FBXL13: variants seen among roughly 807,000 people sequenced by gnomAD.
FBXL13 encodes F-box and leucine-rich repeat protein 13.
FBXL13 carries 67 observed loss-of-function variants against 83.6 expected under a neutral mutation model. The observed-to-expected ratio is 0.80, with a 90% CI of 0.66 to 0.98. FBXL13 has a LOEUF of 0.98. Among genes scored for constraint, FBXL13 ranks in the 50% least tolerant of loss-of-function variants. The probability of loss-of-function intolerance (pLI) is 0.00; values close to 1 mark genes in which losing one functional copy is unlikely to be tolerated. For synonymous variants in FBXL13, 272 were observed against 299.5 expected (o/e 0.91, Z 0.95); for missense variants, 822 against 866.5 (o/e 0.95, Z 0.64).
At chr7:102,963,590 C>A (rs116632009) in exon 8 of FBXL13, 4 of 1,613,018 alleles carry the variant, frequency 2.5e-6, no homozygotes, top group Non-Finnish European at 3.4e-6. Context: ...AAACGCAGCA[C>A]ATTTAAACGC....
Position 103,011,902 on chromosome 7 carries a change from A to C in FBXL13, c.495+13161T>G, listed in dbSNP as rs965597115. 2.0e-5 allele frequency among the ~76,000 whole-genome samples: 3 copies of C among 152,330 alleles called. No homozygotes were observed. In the South Asian group the frequency reaches 6.2e-4, roughly 32 times the overall value. On this transcript the variant is annotated intron_variant, in intron 6 of 19. Transcript: ENST00000313221. ...CGTCCTTGAAAGAGAAAAGAGAGGG[A>C]GAGAAACCAAGGACCTTGGAAAACA...
chr7:102,838,921 C>T (rs1465191420), intron 17 of FBXL13, among the ~76,000 whole-genome samples: 2 of 152,136 alleles, frequency 1.3e-5, no homozygotes, highest in Non-Finnish European at 2.9e-5. Context: ...TCCCCCAGCC[C>T]GACACCCGTG....
chr7:102,858,106 A>T (rs1806293197), intron 16 of FBXL13, among the ~76,000 whole-genome samples: 1 of 152,246 alleles, frequency 6.6e-6, no homozygotes, highest in South Asian at 2.1e-4. Context: ...ACACAATGGC[A>T]TACTATTCAG....
At chr7:102,977,140 CA>C (rs1483731451) in intron 6 of FBXL13, among the ~76,000 whole-genome samples, 1 of 152,156 alleles carries the variant, frequency 6.6e-6, no homozygotes, top group Non-Finnish European at 1.5e-5. Context: ...TGCAATGGAT[CA>C]TCGAATATTA....
intron 8 of FBXL13, among the ~76,000 whole-genome samples, chr7:102,961,690 C>G (rs570697787): frequency 0.17 from 25,432 of 150,330 alleles, 2,171 homozygotes; most frequent in Middle Eastern, 0.23. Context: ...TGCATATCTA[C>G]AACTATCTGA....
rs539591602 is a variant in FBXL13 at position 102,829,491 on chromosome 7, T to G, written c.1854+3349A>C. Among the ~76,000 whole-genome samples, 3 of 152,272 alleles carry G rather than the reference T, an allele frequency of 2.0e-5. No individual in the cohort carries two copies. In the East Asian group the frequency reaches 5.8e-4, roughly 29 times the overall value. On this transcript the variant is annotated intron_variant, in intron 18 of 19. Coordinates refer to ENST00000313221, the Ensembl canonical transcript of FBXL13. ...AGGGCTTTGCTTTAATTTTTCTCAT[T>G]TCCCACCCCCTTTTCTTTCTAATCA...
chr7:103,024,857 A>ATTTTTT (rs1209398568), intron 6 of FBXL13, among the ~76,000 whole-genome samples: 21 of 62,838 alleles, frequency 3.3e-4, no homozygotes, highest in East Asian at 1.2e-3. Flanking sequence ...ATATATATAT[A>ATTTTTT]TTTTTTTTTT....
intron 7 of FBXL13, among the ~76,000 whole-genome samples, chr7:102,966,611 T>C (rs1454084849): frequency 6.6e-6 from 1 of 152,152 alleles, no homozygotes; most frequent in East Asian, 1.9e-4. Context: ...ACCAAGAGCA[T>C]TACAAGCACA....
At chr7:103,052,003 CCTT>C (rs1030656464) in intron 2 of FBXL13, among the ~76,000 whole-genome samples, 1 of 152,156 alleles carries the variant, frequency 6.6e-6, no homozygotes, top group Non-Finnish European at 1.5e-5. Context: ...AGTACAGAGT[CCTT>C]CTCAGGACAT....
intron 8 of FBXL13, among the ~76,000 whole-genome samples, chr7:102,953,251 C>A (rs1823702227): frequency 6.6e-6 from 1 of 151,764 alleles, no homozygotes; most frequent in Non-Finnish European, 1.5e-5. Flanking sequence ...CAAATATCCT[C>A]AAAAAATATT....
chr7:102,854,925 T>A (rs1299684503), intron 16 of FBXL13, 65 bp from the exon 18 acceptor site: 2 of 878,916 alleles, frequency 2.3e-6, no homozygotes, highest in African/African-American at 3.5e-5. Flanking sequence ...ATAGTTCCAA[T>A]AACCATTTAT....
intron 11 of FBXL13, among the ~76,000 whole-genome samples, chr7:102,892,010 T>C (rs989051152): frequency 2.0e-5 from 3 of 152,218 alleles, no homozygotes; most frequent in African/African-American, 7.2e-5. Flanking sequence ...CAGCTACAGT[T>C]CTAACCACAT....
At chr7:103,074,667 C>G (rs761763134), upstream of FBXL13, 63 of 1,285,538 alleles carry the variant, frequency 4.9e-5, no homozygotes, top group Non-Finnish European at 6.4e-5. Context: ...CACCGACGGT[C>G]TGTGTCCGCT....
intron 6 of FBXL13, among the ~76,000 whole-genome samples, chr7:102,985,250 C>T (rs982540472): frequency 2.6e-5 from 4 of 152,216 alleles, no homozygotes; most frequent in African/African-American, 9.6e-5. Flanking sequence ...TGGTGGAACC[C>T]CTGGACTACA....
intron 1 of FBXL13, among the ~76,000 whole-genome samples, chr7:103,059,764 T>C (rs919401853): frequency 3.3e-5 from 5 of 152,118 alleles, no homozygotes; most frequent in African/African-American, 1.2e-4. Context: ...ACCAGGACTG[T>C]TGCTTCCACT....
intron 6 of FBXL13, chr7:102,978,641 T>G (rs1827810210): frequency 4.5e-6 from 1 of 222,786 alleles, no homozygotes; most frequent in Admixed American, 5.1e-5. Context: ...TGCACCCAGG[T>G]ACTCATTAAA....
chr7:103,002,463 A>T (rs1279852419), intron 6 of FBXL13, among the ~76,000 whole-genome samples: 2 of 152,158 alleles, frequency 1.3e-5, no homozygotes, highest in South Asian at 2.1e-4. Context: ...CACTATTAGA[A>T]GATTTTGAAT....
intron 19 of FBXL13, 136 bp downstream of exon 20, chr7:102,821,904 C>T (rs894378890): frequency 1.4e-5 from 14 of 996,062 alleles, no homozygotes; most frequent in Non-Finnish European, 2.0e-5. Flanking sequence ...ATGTTAGCTT[C>T]AATTAGGCAA....
At chr7:102,940,721 G>C (rs1365440698) in intron 8 of FBXL13, among the ~76,000 whole-genome samples, 1 of 152,074 alleles carries the variant, frequency 6.6e-6, no homozygotes, top group Non-Finnish European at 1.5e-5. Context: ...TTCTCCATTT[G>C]CTAAGCAAAG....
Sources: gnomAD v4.1 joint callset for allele counts (sites outside exome capture counted in the v4.1 genomes callset) on GRCh38, gnomAD v4.1.1 for gene constraint, MANE v1.5 for transcripts, NCBI Gene and HGNC (gene_info 2026-07-23, HGNC 2026-07-21) for gene names.